Variants in KCNQ4 observed in about 807,000 individuals in gnomAD.
KCNQ4 encodes potassium voltage-gated channel subfamily KQT member 4.
In KCNQ4, 31 loss-of-function variants were observed where a neutral mutation model predicts 72.6. The observed-to-expected ratio is 0.43, with a 90% CI of 0.32 to 0.58. The LOEUF (loss-of-function observed/expected upper bound fraction) is 0.58, where lower values mean the gene tolerates loss of function less well. Among genes scored for constraint, KCNQ4 ranks in the 20% least tolerant of loss-of-function variants. The probability of loss-of-function intolerance (pLI) is 0.08; values close to 1 mark genes in which losing one functional copy is unlikely to be tolerated. For missense variants in KCNQ4, 869 were observed against 962.6 expected, an observed-to-expected ratio of 0.90 and a Z score of 1.29; for synonymous variants, 405 against 403.7, an observed-to-expected ratio of 1.00 and a Z score of -0.04.
At chr1:40,830,771 T>C (rs1037843638) in intron 9 of KCNQ4, among the ~76,000 whole-genome samples, 2 of 152,028 alleles carry the variant, frequency 1.3e-5, no homozygotes. Flanking sequence ...CTCCTGTCTG[T>C]GTCTCTGACT....
chr1:40,808,980 C>A (rs933699594), intron 1 of KCNQ4, among the ~76,000 whole-genome samples: 9 of 152,136 alleles, frequency 5.9e-5, no homozygotes, highest in African/African-American at 2.2e-4. Flanking sequence ...TTTTCTGGGC[C>A]TGTTCTGGTC....
Position 40,784,397 on chromosome 1 carries a change from C to A in KCNQ4, c.304C>A (p.His102Asn). ...GCCCCGCGGCTGGGCCTTCGTCTAC[C>A]ACGTCTTCATGTGAGTTTGCGACCC... ...ERPRGWAFVYHVFIFLLVFSC... is the reference protein window; with the variant it reads ...ERPRGWAFVYNVFIFLLVFSC... Residue 102 changes from histidine (H) to asparagine (N), a missense_variant, in exon 1 of 14, where the codon CAC becomes AAC. Coordinates refer to ENST00000347132, the MANE Select transcript of KCNQ4 (RefSeq NM_004700.4). The surrounding 1 kb of genome is among the most constrained non-coding windows in gnomAD (Gnocchi z 4.1). 6.2e-7 allele frequency: 1 copy of A among 1,609,118 alleles called. No homozygotes were observed. Among genetic ancestry groups the A allele is most frequent in the Non-Finnish European group, 8.5e-7 (1 of 1,179,082 alleles).
chr1:40,818,187 C>G lies in KCNQ4; in HGVS notation c.429C>G (p.Phe143Leu), dbSNP rs1424889901. 6.2e-7 allele frequency: 1 copy of G among 1,614,078 alleles called. No individual in the cohort carries two copies. ...LILEFVMIVV[F>L]GLEYIVRVWS... Reference sequence around the variant, plus strand: ...AGGAATTCGTGATGATCGTGGTTTTCGGCTTGGAGTACATCGTCCGGGTCT... The same window carrying G: ...AGGAATTCGTGATGATCGTGGTTTTGGGCTTGGAGTACATCGTCCGGGTCT... Residue 143 changes from phenylalanine to leucine, a missense_variant, in exon 3 of 14, where the codon TTC becomes TTG. Physicochemically the swap from Phe to Leu is conservative, Grantham distance 22. Around this residue, in one of 5 missense-constraint regions of KCNQ4, gnomAD observed 179 missense variants for 243.0 expected, o/e 0.74. Transcript: ENST00000347132.
intron 13 of KCNQ4, 151 bp downstream of exon 13, chr1:40,837,945 C>T: frequency 9.0e-7 from 1 of 1,108,160 alleles, no homozygotes; most frequent in Non-Finnish European, 1.3e-6. Context: ...CCGCCCTCGC[C>T]GCCAGACATT....
chr1:40,808,750 C>T (rs4660175), intron 1 of KCNQ4, among the ~76,000 whole-genome samples: 51,771 of 152,014 alleles, frequency 0.34, 9,053 homozygotes, highest in Non-Finnish European at 0.38. Context: ...ATTCCATTGA[C>T]TACTCACTCT....
At chr1:40,838,256 C>T (rs1241242347) in intron 13 of KCNQ4, 55 bp from the exon 14 acceptor site, 6 of 1,519,488 alleles carry the variant, frequency 3.9e-6, no homozygotes, top group Admixed American at 1.7e-5. Flanking sequence ...GCCCCGCCCC[C>T]GGCCGCGTCC....
intron 7 of KCNQ4, 122 bp downstream of exon 7, chr1:40,820,382 C>T: frequency 1.2e-6 from 1 of 846,520 alleles, no homozygotes; most frequent in Non-Finnish European, 2.0e-6. Context: ...CTCAAAAGGG[C>T]TATGTGACTT....
intron 13 of KCNQ4, 75 bp from the exon 14 acceptor site, chr1:40,838,236 C>T (rs1177726660): frequency 8.3e-6 from 11 of 1,319,310 alleles, no homozygotes; most frequent in Middle Eastern, 2.3e-4. Context: ...GGGTCCGCCC[C>T]GAGACCCAAG....
At position 40,822,421 on chromosome 1, in the gene KCNQ4, GGGGGTGGGT is replaced by G; in HGVS notation, c.1130+24_1130+32del. 7.0e-7 allele frequency: 1 copy of G among 1,437,356 alleles called. No individual in the cohort carries two copies. The highest frequency in any genetic ancestry group is 9.7e-7 in the Non-Finnish European group (1 of 1,028,456). 89.0% of individuals were successfully genotyped at this position (1,437,356 alleles called of 1,614,324 possible). A position where few individuals can be genotyped will look rare whatever the true frequency, so the allele number is the denominator to read the frequency against. On this transcript the variant is annotated intron_variant, in intron 8 of 13. Coordinates refer to ENST00000347132, the MANE Select transcript of KCNQ4 (RefSeq NM_004700.4). ...CCTTCAGGTAGGTCCTGCTGGGGGTGGGGGTGGGTGGGGGGCTGGCAGCAATGCCCTTTG... is the reference window on the plus strand; with the variant it reads ...CCTTCAGGTAGGTCCTGCTGGGGGTGGGGGGGCTGGCAGCAATGCCCTTTG...
intron 1 of KCNQ4, among the ~76,000 whole-genome samples, chr1:40,802,912 G>A (rs1325306681): frequency 1.3e-5 from 2 of 152,220 alleles, no homozygotes; most frequent in Admixed American, 6.5e-5. Context: ...AGCCAAGGCA[G>A]AGCAGAGCTG....
At position 40,838,574 on chromosome 1, in the gene KCNQ4, T is replaced by C; in HGVS notation, c.*51T>C. ...CACGGCCAGCCCCGCGGCCTGGCGC[T>C]CCGACTGCCCTCTGAGGCCTCCGGA... On this transcript the variant is annotated 3_prime_UTR_variant, in exon 14 of 14. Transcript: ENST00000347132. 1 of 1,550,506 alleles carries C rather than the reference T, an allele frequency of 6.4e-7. No homozygotes were observed. Among genetic ancestry groups the C allele is most frequent in the Non-Finnish European group, 8.9e-7 (1 of 1,122,616 alleles).
At chr1:40,816,825 A>G (rs1211732602) in intron 1 of KCNQ4, among the ~76,000 whole-genome samples, 1 of 152,216 alleles carries the variant, frequency 6.6e-6, no homozygotes, top group East Asian at 1.9e-4. Context: ...TTTGGAGTGC[A>G]TAAGAAAGAA....
intron 9 of KCNQ4, among the ~76,000 whole-genome samples, chr1:40,825,868 G>A (rs1389805951): frequency 6.6e-6 from 1 of 152,074 alleles, no homozygotes; most frequent in African/African-American, 2.4e-5. Context: ...CACTCCCCAC[G>A]GCTCCTTTGG....
intron 1 of KCNQ4, among the ~76,000 whole-genome samples, chr1:40,796,915 CAAAT>C (rs3070277): frequency 0.31 from 45,858 of 147,178 alleles, 7,198 homozygotes; most frequent in Non-Finnish European, 0.34. Context: ...GAGACTCCAT[CAAAT>C]AAATAAATAA....
chr1:40,825,456 G>T (rs2148325292), intron 9 of KCNQ4, among the ~76,000 whole-genome samples: 1 of 152,264 alleles, frequency 6.6e-6, no homozygotes, highest in Admixed American at 6.5e-5. Context: ...GGGCTGAAAA[G>T]GCCTAGGGAG....
At chr1:40,814,044 G>GA (rs1648009339) in intron 1 of KCNQ4, among the ~76,000 whole-genome samples, 4 of 87,150 alleles carry the variant, frequency 4.6e-5, no homozygotes, top group Non-Finnish European at 9.8e-5. Flanking sequence ...ACTGCGCCCG[G>GA]CCTTTTTTTT....
intron 9 of KCNQ4, chr1:40,826,823 C>A: frequency 2.8e-6 from 1 of 361,464 alleles, no homozygotes; most frequent in South Asian, 2.0e-5. Flanking sequence ...CTTGGGTGCC[C>A]AGTGAACCCC....
At chr1:40,821,632 C>A (rs1301975569) in intron 7 of KCNQ4, among the ~76,000 whole-genome samples, 1 of 152,194 alleles carries the variant, frequency 6.6e-6, no homozygotes, top group African/African-American at 2.4e-5. Context: ...TGACAGGCAG[C>A]TGGGAAAGAT....
In KCNQ4 at chr1:40,838,631, G is replaced by A; in HGVS notation, c.*108G>A. 9.4e-7 allele frequency: 1 copy of A among 1,061,198 alleles called. No homozygotes were observed. The highest frequency in any genetic ancestry group is 1.9e-5 in the Admixed American group (1 of 53,370). 65.7% of individuals were successfully genotyped at this position (1,061,198 alleles called of 1,614,324 possible). ...TCGTACTTGAACTCACTCCCTCACG[G>A]GGAGAGAGACCACACGCAGTATTGA... On this transcript the variant is annotated 3_prime_UTR_variant, in exon 14 of 14. Coordinates refer to ENST00000347132, the MANE Select transcript of KCNQ4 (RefSeq NM_004700.4).
Sources: gnomAD v4.1 joint callset for allele counts (sites outside exome capture counted in the v4.1 genomes callset) on GRCh38, gnomAD v4.1.1 for gene constraint, gnomAD v4.1.1 regional missense constraint, Gnocchi (gnomAD v3.1) non-coding constraint, MANE v1.5 for transcripts, NCBI Gene and HGNC (gene_info 2026-07-23, HGNC 2026-07-21) for gene names.